Variants in MAGI1 observed in about 807,000 individuals in gnomAD.
MAGI1 encodes the protein membrane-associated guanylate kinase, WW and PDZ domain-containing protein 1.
In MAGI1, 58 loss-of-function variants were observed where a neutral mutation model predicts 139.9. That is an observed-to-expected ratio of 0.41 (90% CI 0.34 to 0.52). MAGI1 has a LOEUF of 0.52. MAGI1 is among the 20% of genes least tolerant of loss of function. The pLI is 0.12. For missense variants in MAGI1, 1,874 were observed against 1,901.6 expected, an observed-to-expected ratio of 0.99 and a Z score of 0.27; for synonymous variants, 812 against 737.9, an observed-to-expected ratio of 1.10 and a Z score of -1.63.
rs187052644 is a variant in MAGI1, at chr3:65,492,935, G to A, written c.550+577C>T. Among the ~76,000 whole-genome samples the A allele has an allele frequency of 5.7e-4, 87 of 152,026 alleles. 2 individuals are homozygous for A. In the East Asian group the frequency reaches 9.5e-3, roughly 17 times the overall value. ...CTACTAAAAATACAAAAAATTAGCC[G>A]GGCATGGTGGCAGGCGCCTGTAATC... On this transcript the variant is annotated intron_variant, in intron 3 of 22. Transcript: ENST00000402939.
rs58391331 is a variant in MAGI1, at chr3:65,846,976, C to CAAAAAAA, written c.313+191013_313+191019dup. Among the ~76,000 whole-genome samples the CAAAAAAA allele has an allele frequency of 4.9e-3, 398 of 80,942 alleles. 28 individuals carry two copies. Among genetic ancestry groups the CAAAAAAA allele is most frequent in the South Asian group, 0.019 (43 of 2,222 alleles). 53.1% of individuals were successfully genotyped at this position (80,942 alleles called of 152,430 possible). On this transcript the variant is annotated intron_variant, in intron 1 of 22. Transcript: ENST00000402939. The stretch of plus-strand genomic sequence containing the variant: ...GATTACAAAGAATAGCAATGTCTTA[C>CAAAAAAA]AAAAAAAAAAAAAAAAAAAACCCTA...
rs1435199299 is a variant in MAGI1, at chr3:65,763,804, C to T, written c.314-141716G>A. 2.0e-5 allele frequency among the ~76,000 whole-genome samples: 3 copies of T among 151,766 alleles called. No individual in the cohort carries two copies. In the East Asian group the frequency reaches 5.8e-4, roughly 29 times the overall value. On this transcript the variant is annotated intron_variant, in intron 1 of 22. Coordinates refer to ENST00000402939, the MANE Select transcript of MAGI1 (RefSeq NM_001033057.2). Reference sequence around the variant, plus strand: ...AAAATCCTGAGGCCAGGCACAGTGGCTCATATCTGTAATCCCAGCACTTTG... The same window carrying T: ...AAAATCCTGAGGCCAGGCACAGTGGTTCATATCTGTAATCCCAGCACTTTG...
chr3:65,510,498 G>T (rs1318567159), intron 2 of MAGI1, among the ~76,000 whole-genome samples: 3 of 149,678 alleles, frequency 2.0e-5, no homozygotes, highest in Non-Finnish European at 3.0e-5. Flanking sequence ...CGAGAACTAC[G>T]TGAAGAATGC....
chr3:65,914,282 T>C (rs1421537998), intron 1 of MAGI1: 5 of 152,184 alleles, frequency 3.3e-5, no homozygotes, highest in Non-Finnish European at 7.3e-5. Flanking sequence ...CTCTGTTGCA[T>C]AGTGAGCAAC....
At chr3:65,364,995 TC>T in intron 18 of MAGI1, 49 bp from the exon 19 acceptor site, 1 of 1,497,720 alleles carries the variant, frequency 6.7e-7, no homozygotes, top group Non-Finnish European at 9.3e-7. Flanking sequence ...AGAGAAGACA[TC>T]CTCCAGCCAG....
chr3:65,662,171 T>C (rs775711789), intron 1 of MAGI1, among the ~76,000 whole-genome samples: 2 of 151,940 alleles, frequency 1.3e-5, no homozygotes, highest in Non-Finnish European at 1.5e-5. Flanking sequence ...GAGAAAAAAA[T>C]AAAAATAATC....
intron 1 of MAGI1, among the ~76,000 whole-genome samples, chr3:65,828,544 T>C (rs886615146): frequency 2.0e-5 from 3 of 152,176 alleles, no homozygotes; most frequent in African/African-American, 7.2e-5. Context: ...TGGTTAATGA[T>C]AATGCTGTAC....
chr3:65,845,849 A>G (rs1281225562), intron 1 of MAGI1, among the ~76,000 whole-genome samples: 1 of 152,228 alleles, frequency 6.6e-6, no homozygotes, highest in Non-Finnish European at 1.5e-5. Flanking sequence ...TTTTGCTTCC[A>G]GTATCATTCA....
At chr3:65,632,983 T>G (rs1305697656) in intron 1 of MAGI1, among the ~76,000 whole-genome samples, 3 of 152,078 alleles carry the variant, frequency 2.0e-5, no homozygotes, top group Non-Finnish European at 4.4e-5. Flanking sequence ...ACCCAGAAAC[T>G]TACATGAAAT....
At chr3:65,459,270 T>C (rs1335961120) in intron 5 of MAGI1, among the ~76,000 whole-genome samples, 2 of 152,208 alleles carry the variant, frequency 1.3e-5, no homozygotes, top group Non-Finnish European at 2.9e-5. Context: ...TCAGGATATA[T>C]TTGGCTATTC....
intron 4 of MAGI1, among the ~76,000 whole-genome samples, chr3:65,473,290 A>T (rs2107593650): frequency 6.6e-6 from 1 of 152,286 alleles, no homozygotes; most frequent in East Asian, 1.9e-4. Context: ...GTCTGCTTCT[A>T]GCTGTGTGGC....
chr3:65,733,121 C>T (rs1054666132), intron 1 of MAGI1, among the ~76,000 whole-genome samples: 4 of 151,788 alleles, frequency 2.6e-5, no homozygotes, highest in African/African-American at 4.8e-5. Context: ...TGCAATGGCG[C>T]GATCTTGGCT....
At position 65,379,417 on chromosome 3, in the gene MAGI1, TGCCGCTGCCCGAGCTCACCGTGTTCA is replaced by T; in HGVS notation, c.2813_2838del (p.Leu938GlnfsTer68). On this transcript the variant is annotated frameshift_variant, in exon 17 of 23. Coordinates refer to ENST00000402939, the MANE Select transcript of MAGI1 (RefSeq NM_001033057.2). LOFTEE classifies it high-confidence loss of function. ...CCGCCACTGCCGATGCCGCTGGTGC[TGCCGCTGCCCGAGCTCACCGTGTTCA>T]GCGAGTTCTGGCTGCCCTGCGGAGT... The T allele has an allele frequency of 6.2e-7, 1 of 1,613,488 alleles. No individual in the cohort carries two copies. Among genetic ancestry groups the T allele is most frequent in the Non-Finnish European group, 8.5e-7 (1 of 1,179,602 alleles).
chr3:65,886,754 C>A (rs924508763), intron 1 of MAGI1, among the ~76,000 whole-genome samples: 4 of 152,140 alleles, frequency 2.6e-5, no homozygotes, highest in Non-Finnish European at 5.9e-5. Flanking sequence ...ATGGCTAGAC[C>A]GTTACATAAG....
intron 17 of MAGI1, among the ~76,000 whole-genome samples, chr3:65,378,222 T>C (rs909416454): frequency 1.3e-5 from 2 of 152,196 alleles, no homozygotes; most frequent in African/African-American, 4.8e-5. Flanking sequence ...GGGTTTCTAT[T>C]GGTCTTTGCT....
chr3:65,646,171 A>G (rs1200954800), intron 1 of MAGI1, among the ~76,000 whole-genome samples: 1 of 152,234 alleles, frequency 6.6e-6, no homozygotes, highest in East Asian at 1.9e-4. Context: ...TGCTTCAAAT[A>G]TAACACTATA....
chr3:65,417,867 C>T (rs1386496030), intron 12 of MAGI1, among the ~76,000 whole-genome samples: 1 of 152,180 alleles, frequency 6.6e-6, no homozygotes, highest in Non-Finnish European at 1.5e-5. Flanking sequence ...ATGTCAAATA[C>T]TGCCCATGGA....
chr3:65,870,682 A>G (rs2059907728), intron 1 of MAGI1, among the ~76,000 whole-genome samples: 1 of 150,878 alleles, frequency 6.6e-6, no homozygotes, highest in Non-Finnish European at 1.5e-5. Context: ...AAGGAAAACT[A>G]GGACTGTTCA....
chr3:65,750,028 C>T (rs182176260), intron 1 of MAGI1, among the ~76,000 whole-genome samples: 24 of 152,170 alleles, frequency 1.6e-4, no homozygotes, highest in Admixed American at 1.5e-3. Flanking sequence ...AACCCAAACT[C>T]CTGGTGGCCA....
Sources: gnomAD v4.1 joint callset for allele counts (sites outside exome capture counted in the v4.1 genomes callset) on GRCh38, gnomAD v4.1.1 for gene constraint, MANE v1.5 for transcripts, NCBI Gene and HGNC (gene_info 2026-07-23, HGNC 2026-07-21) for gene names.